Variants in TMEM198 observed in about 807,000 individuals in gnomAD.
The protein encoded by TMEM198 is transmembrane protein 198.
TMEM198 carries 21 observed loss-of-function variants against 31.5 expected under a neutral mutation model. That is an observed-to-expected ratio of 0.67 (90% CI 0.47 to 0.96). TMEM198 has a LOEUF of 0.96. Among genes scored for constraint, TMEM198 ranks in the 40% least tolerant of loss-of-function variants. TMEM198 has a pLI of 0.00. For missense variants in TMEM198, 447 were observed against 499.4 expected, an observed-to-expected ratio of 0.89 and a Z score of 1.00; for synonymous variants, 211 against 223.3, an observed-to-expected ratio of 0.95 and a Z score of 0.49.
intron 4 of TMEM198, among the ~76,000 whole-genome samples, 171 bp downstream of exon 4, chr2:219,549,525 G>T (rs1695491048): frequency 6.6e-6 from 1 of 152,206 alleles, no homozygotes; most frequent in South Asian, 2.1e-4. Context: ...GGTCCAGCTG[G>T]TGGGGGAATT....
At chr2:219,543,961 T>A, upstream of TMEM198, 1 of 346,966 alleles carries the variant, frequency 2.9e-6, no homozygotes, top group Non-Finnish European at 5.7e-6. Flanking sequence ...TCCCGCGGCG[T>A]GGTTGGTGCG....
Position 219,547,330 on chromosome 2 carries a change from CT to C in TMEM198, c.167-175del, listed in dbSNP as rs141435773. On this transcript the variant is annotated intron_variant, in intron 2 of 4. Transcript: ENST00000373883. ...AACAGCCATATCTCTCTAACCTCCC[CT>C]GACCTCAATGGCCCCATCACTGATG... The C allele has an allele frequency of 2.9e-4, 143 of 498,242 alleles. 1 individual carries two copies. Among genetic ancestry groups the C allele is most frequent in the African/African-American group, 2.5e-3 (129 of 51,144 alleles). 30.9% of individuals were successfully genotyped at this position (498,242 alleles called of 1,614,324 possible).
At chr2:219,543,900 G>GC (rs1006674130), upstream of TMEM198, 69 of 342,320 alleles carry the variant, frequency 2.0e-4, no homozygotes, top group South Asian at 3.6e-4. Flanking sequence ...CCCCGGAAGT[G>GC]CCCCCTCCTC....
At chr2:219,544,494 T>C (rs1314095514) in intron 1 of TMEM198, 117 bp downstream of exon 1, 1 of 599,410 alleles carries the variant, frequency 1.7e-6, no homozygotes, top group Non-Finnish European at 3.0e-6. Context: ...TTTAACTTCA[T>C]CCCAGCCTCC....
intron 2 of TMEM198, 27 bp downstream of exon 2, chr2:219,544,920 T>C (rs748682965): frequency 2.5e-6 from 4 of 1,606,316 alleles, no homozygotes; most frequent in Non-Finnish European, 2.6e-6. Flanking sequence ...ATCCCTCACC[T>C]GGGCTCCCCA....
Position 219,547,544 on chromosome 2 carries a change from T to G in TMEM198, c.205T>G (p.Leu69Val). 6.8e-7 allele frequency: 1 copy of G among 1,460,142 alleles called. No homozygotes were observed. Among genetic ancestry groups the G allele is most frequent in the South Asian group, 1.5e-5 (1 of 64,942 alleles). The allele number at this position is 1,460,142 out of a possible 1,614,324, so 90.4% of individuals were successfully genotyped here. ...CAAGGCAGTGCTCTTTCTCACTGGG[T>G]TGCTGTTTGGCTCGGTGGTCATCTT... ...CFKAVLFLTG[L>V]LFGSVVIFLL... is the part of the protein sequence containing the mutation. Residue 69 changes from leucine to valine, a missense_variant, in exon 3 of 5, where the codon TTG (leucine) becomes GTG (valine). Transcript: ENST00000373883.
chr2:219,549,669 G>C (rs1215981083), intron 4 of TMEM198, 48 bp from the exon 5 acceptor site: 2 of 1,602,510 alleles, frequency 1.2e-6, no homozygotes, highest in African/African-American at 1.3e-5. Context: ...GTGGCTTTTA[G>C]GGCAGGATTC....
In TMEM198 at chr2:219,550,025, A is replaced by G; in HGVS notation, c.*171A>G. 1.1e-6 allele frequency: 1 copy of G among 901,560 alleles called. No individual in the cohort carries two copies. Among genetic ancestry groups the G allele is most frequent in the Non-Finnish European group, 1.6e-6 (1 of 615,824 alleles). 55.8% of individuals were successfully genotyped at this position (901,560 alleles called of 1,614,324 possible). A position where few individuals can be genotyped will look rare whatever the true frequency, so the allele number is the denominator to read the frequency against. ...CAGGCGAGTCTTGGCCTGAGAGGAA[A>G]GCCCCCTCCCAAGCTCCCAAGAGGC... On this transcript the variant is annotated 3_prime_UTR_variant, in exon 5 of 5. Coordinates refer to ENST00000373883, the MANE Select transcript of TMEM198 (RefSeq NM_001005209.3).
In TMEM198 at chr2:219,544,832, G is replaced by A; in HGVS notation, c.105G>A (p.Gln35=). 6.2e-7 allele frequency: 1 copy of A among 1,614,244 alleles called. No homozygotes were observed. Among genetic ancestry groups the A allele is most frequent in the Non-Finnish European group, 8.5e-7 (1 of 1,180,046 alleles). Residue 35 remains glutamine (Q), a synonymous_variant, in exon 2 of 5, where the codon CAG becomes CAA. Coordinates refer to ENST00000373883, the MANE Select transcript of TMEM198 (RefSeq NM_001005209.3). ...AACAGCCCCTGGAGCGCAGGTACCA[G>A]GCACTGCCGGCCCTCGTCTGCATCA... The part of the protein sequence containing the change: ...PCEQPLERRY[Q]ALPALVCIMC...
Position 219,549,923 on chromosome 2 carries a change from C to G in TMEM198, c.*69C>G. The G allele has an allele frequency of 6.4e-7, 1 of 1,569,796 alleles. No individual in the cohort carries two copies. Among genetic ancestry groups the G allele is most frequent in the South Asian group, 1.2e-5 (1 of 86,948 alleles). On this transcript the variant is annotated 3_prime_UTR_variant, in exon 5 of 5. Coordinates refer to ENST00000373883, the MANE Select transcript of TMEM198 (RefSeq NM_001005209.3). ...CTCGAGGAGGCCTGCTAGGCTGCCACTCAGCCTCCTGGCTTTGGCTGTCCC... is the reference window on the plus strand; with the variant it reads ...CTCGAGGAGGCCTGCTAGGCTGCCAGTCAGCCTCCTGGCTTTGGCTGTCCC...
At chr2:219,548,958 G>T (rs949276518) in intron 3 of TMEM198, 194 bp from the exon 4 acceptor site, 16 of 615,032 alleles carry the variant, frequency 2.6e-5, no homozygotes, top group Middle Eastern at 2.6e-4. Flanking sequence ...AAGACCTATG[G>T]AAGAAAAGAA....
Position 219,544,877 on chromosome 2 carries a change from C to A in TMEM198, c.150C>A (p.Val50=). Residue 50 remains valine (V), a synonymous_variant, in exon 2 of 5, where the codon GTC becomes GTA. Transcript: ENST00000373883. ...LVCIMCCLFG[V]VYCFFGYRCF... is the part of the protein sequence containing the mutation. ...GCATCATGTGCTGTTTGTTTGGAGT[C>A]GTCTACTGCTTCTTCGGTGAGATCC... 1 of 1,614,130 alleles carries A rather than the reference C, an allele frequency of 6.2e-7. No individual in the cohort carries two copies. Among genetic ancestry groups the A allele is most frequent in the South Asian group, 1.1e-5 (1 of 91,078 alleles).
chr2:219,548,502 GAT>G (rs1559127617), intron 3 of TMEM198, among the ~76,000 whole-genome samples: 1 of 152,192 alleles, frequency 6.6e-6, no homozygotes, highest in Non-Finnish European at 1.5e-5. Flanking sequence ...TGAAGGAGGT[GAT>G]ATGTAAGCAG....
At chr2:219,547,342 G>A (rs1695409634) in intron 2 of TMEM198, 164 bp from the exon 3 acceptor site, 1 of 523,256 alleles carries the variant, frequency 1.9e-6, no homozygotes, top group South Asian at 6.2e-5. Context: ...GACCTCAATG[G>A]CCCCATCACT....
intron 2 of TMEM198, among the ~76,000 whole-genome samples, chr2:219,545,862 A>G (rs1266825344): frequency 1.3e-5 from 2 of 152,066 alleles, no homozygotes; most frequent in Non-Finnish European, 2.9e-5. Context: ...TGGGAGCCAG[A>G]TGGTCCCTCC....
chr2:219,549,583 G>A (rs575676979), intron 4 of TMEM198, 134 bp from the exon 5 acceptor site: 15 of 1,388,762 alleles, frequency 1.1e-5, no homozygotes, highest in African/African-American at 1.4e-5. Context: ...ATGGTATGTG[G>A]TGGGGTCTCA....
intron 1 of TMEM198, 72 bp downstream of exon 1, chr2:219,544,449 C>A: frequency 1.8e-6 from 1 of 569,132 alleles, no homozygotes; most frequent in Non-Finnish European, 3.3e-6. Context: ...TCACTGGCAG[C>A]ACGCTCCCTT....
chr2:219,550,421 TG>T lies in TMEM198; in HGVS notation c.*574del, dbSNP rs956929093. ...TGAGGGCAGTGGCAGGAGATGGGGGTGGGGGGGTGCTGCTCTGGGCTGGGTT... is the reference window on the plus strand; with the variant it reads ...TGAGGGCAGTGGCAGGAGATGGGGGTGGGGGGTGCTGCTCTGGGCTGGGTT... On this transcript the variant is annotated 3_prime_UTR_variant, in exon 5 of 5. Coordinates refer to ENST00000373883, the MANE Select transcript of TMEM198 (RefSeq NM_001005209.3). The T allele has an allele frequency of 3.6e-5, 7 of 193,484 alleles. No individual in the cohort carries two copies. The highest frequency in any genetic ancestry group is 2.7e-4 in the East Asian group (2 of 7,474). The allele number at this position is 193,484 out of a possible 1,614,324, so 12.0% of individuals were successfully genotyped here.
At chr2:219,548,212 G>T in intron 3 of TMEM198, 131 bp downstream of exon 3, 1 of 873,522 alleles carries the variant, frequency 1.1e-6, no homozygotes, top group Non-Finnish European at 1.7e-6. Context: ...CTTGCTCAGG[G>T]TCTGGGAGGA....
Sources: allele counts gnomAD v4.1 joint callset (sites outside exome capture counted in the v4.1 genomes callset), GRCh38; gene constraint gnomAD v4.1.1; transcripts MANE v1.5; gene names NCBI Gene and HGNC (gene_info 2026-07-23, HGNC 2026-07-21).